The following OPCML variants were observed in gnomAD, a reference collection of about 807,000 sequenced individuals.
The protein encoded by OPCML is opioid-binding protein/cell adhesion molecule.
A neutral mutation model predicts 37.8 loss-of-function variants in OPCML; 13 were observed. The ratio of observed to expected loss-of-function variants is 0.34; its 90% CI spans 0.22 to 0.55. The LOEUF (loss-of-function observed/expected upper bound fraction) is 0.55. Among genes scored for constraint, OPCML ranks in the 20% least tolerant of loss-of-function variants. The pLI is 0.91. For synonymous variants in OPCML, 176 were observed against 168.8 expected, an observed-to-expected ratio of 1.04 and a Z score of -0.33; for missense variants, 341 against 435.6, an observed-to-expected ratio of 0.78 and a Z score of 1.93.
intron 1 of OPCML, among the ~76,000 whole-genome samples, chr11:133,166,152 G>GA (rs900574453): frequency 2.0e-5 from 3 of 152,012 alleles, no homozygotes; most frequent in South Asian, 2.1e-4. Context: ...TTGCTTTGGG[G>GA]AAAAAAATAT....
chr11:132,501,598 T>C (rs1168817851), intron 4 of OPCML, among the ~76,000 whole-genome samples: 2 of 152,196 alleles, frequency 1.3e-5, no homozygotes, highest in African/African-American at 4.8e-5. Flanking sequence ...AGAGGCATGG[T>C]TGTCATGATA....
chr11:132,452,524 T>TCCTTCCTTCCTTC (rs1237285303), intron 4 of OPCML, among the ~76,000 whole-genome samples: 1 of 144,228 alleles, frequency 6.9e-6, no homozygotes, highest in African/African-American at 2.6e-5. Flanking sequence ...CTTCCTTCCT[T>TCCTTCCTTCCTTC]CTTTCAGCCT....
In OPCML at chr11:132,974,940, T is replaced by TC. The variant is rs1169250795; in HGVS notation, c.62-31931dup. ...TCTCGTCTGTTTACTCTATACTTTCTCCAGAGTCTATAGCTTCAATTATTA... is the reference window on the plus strand; with the variant it reads ...TCTCGTCTGTTTACTCTATACTTTCTCCCAGAGTCTATAGCTTCAATTATTA... On this transcript the variant is annotated intron_variant, in intron 1 of 7. Coordinates refer to ENST00000524381, the MANE Select transcript of OPCML (RefSeq NM_001012393.5). Among the ~76,000 whole-genome samples, 9 of 151,916 alleles carry TC rather than the reference T, an allele frequency of 5.9e-5. No individual in the cohort carries two copies. The East Asian group carries it at 9.9e-4, about 17-fold the overall frequency.
At chr11:132,840,837 C>A (rs942555522) in intron 2 of OPCML, among the ~76,000 whole-genome samples, 2 of 151,856 alleles carry the variant, frequency 1.3e-5, no homozygotes, top group Non-Finnish European at 2.9e-5. Flanking sequence ...TTGATGAGGC[C>A]GCTGAAAAAA....
intron 2 of OPCML, among the ~76,000 whole-genome samples, chr11:132,941,246 A>G (rs146619601): frequency 6.6e-6 from 1 of 152,306 alleles, no homozygotes; most frequent in African/African-American, 2.4e-5. Context: ...TGCTGGTGGA[A>G]TAGTCTTACT....
At chr11:132,531,780 T>C (rs1478222045) in intron 3 of OPCML, among the ~76,000 whole-genome samples, 3 of 151,944 alleles carry the variant, frequency 2.0e-5, no homozygotes, top group Non-Finnish European at 4.4e-5. Context: ...CTATATTTTC[T>C]AGCTTGTTAA....
intron 1 of OPCML, among the ~76,000 whole-genome samples, chr11:133,167,926 T>C (rs1362094859): frequency 6.6e-6 from 1 of 152,246 alleles, no homozygotes; most frequent in Non-Finnish European, 1.5e-5. Flanking sequence ...TCATTCCATT[T>C]ACTCTCGTTC....
chr11:132,820,424 C>T (rs75412509), intron 2 of OPCML, among the ~76,000 whole-genome samples: 2,492 of 152,188 alleles, frequency 0.016, 27 homozygotes, highest in Middle Eastern at 0.031. Context: ...GACAGACATT[C>T]GATCAAGTTC....
intron 3 of OPCML, among the ~76,000 whole-genome samples, chr11:132,572,695 C>T (rs940618680): frequency 3.3e-5 from 5 of 152,154 alleles, no homozygotes; most frequent in Admixed American, 2.0e-4. Flanking sequence ...ATACCTCCAG[C>T]TTTATTCTTT....
intron 1 of OPCML, among the ~76,000 whole-genome samples, chr11:133,497,424 A>AT (rs1201206011): frequency 2.6e-5 from 4 of 151,792 alleles, no homozygotes; most frequent in African/African-American, 4.8e-5. Flanking sequence ...TTCTTGCTTC[A>AT]TTTTTTGGAT....
At chr11:133,391,235 G>T (rs1420354988) in intron 1 of OPCML, among the ~76,000 whole-genome samples, 2 of 152,154 alleles carry the variant, frequency 1.3e-5, no homozygotes, top group African/African-American at 2.4e-5. Context: ...CTCCTAGTGA[G>T]ATGTGCCCTT....
At chr11:133,427,079 T>C (rs1417893637) in intron 1 of OPCML, among the ~76,000 whole-genome samples, 1 of 152,108 alleles carries the variant, frequency 6.6e-6, no homozygotes, top group Admixed American at 6.5e-5. Context: ...AGGCCTCCAA[T>C]GAATGTAAGG....
At chr11:132,659,944 A>G (rs1941886179) in intron 2 of OPCML, among the ~76,000 whole-genome samples, 1 of 152,194 alleles carries the variant, frequency 6.6e-6, no homozygotes, top group African/African-American at 2.4e-5. Flanking sequence ...ATTTGCAACC[A>G]AAAATATACA....
intron 3 of OPCML, among the ~76,000 whole-genome samples, chr11:132,538,298 G>A (rs967087824): frequency 5.3e-5 from 8 of 152,100 alleles, no homozygotes; most frequent in South Asian, 2.1e-4. Flanking sequence ...TGAAAGAAGC[G>A]AAACACAAAA....
intron 1 of OPCML, among the ~76,000 whole-genome samples, chr11:133,367,901 T>C (rs548350959): frequency 1.3e-5 from 2 of 152,238 alleles, no homozygotes; most frequent in East Asian, 1.9e-4. Flanking sequence ...TTGGGTGCAA[T>C]GTGGGCCTGT....
chr11:133,132,003 AAAACTTTTAG>A (rs1246721824), intron 1 of OPCML, among the ~76,000 whole-genome samples: 2 of 152,246 alleles, frequency 1.3e-5, no homozygotes. Flanking sequence ...ATAACGCTGT[AAAACTTTTAG>A]AAACTTTCAT....
chr11:132,555,439 A>G (rs1386394093), intron 3 of OPCML, among the ~76,000 whole-genome samples: 2 of 152,156 alleles, frequency 1.3e-5, no homozygotes, highest in African/African-American at 2.4e-5. Flanking sequence ...ATTCACTACC[A>G]CAAAAACAAT....
chr11:133,283,256 C>T (rs533335163), intron 1 of OPCML, among the ~76,000 whole-genome samples: 3 of 152,072 alleles, frequency 2.0e-5, no homozygotes, highest in African/African-American at 4.8e-5. Flanking sequence ...ATTTCAGTCA[C>T]GGGGGCAGAT....
chr11:133,091,060 G>A (rs1044402715), intron 1 of OPCML, among the ~76,000 whole-genome samples: 4 of 152,170 alleles, frequency 2.6e-5, no homozygotes, highest in African/African-American at 4.8e-5. Context: ...AAGACCCAGG[G>A]ATGACTAACA....
Sources: gnomAD v4.1 joint callset for allele counts (sites outside exome capture counted in the v4.1 genomes callset) on GRCh38, gnomAD v4.1.1 for gene constraint, MANE v1.5 for transcripts, NCBI Gene and HGNC (gene_info 2026-07-23, HGNC 2026-07-21) for gene names.